The following LRRFIP2 variants were observed in gnomAD, a reference collection of about 807,000 sequenced individuals.
The protein encoded by LRRFIP2 is leucine-rich repeat flightless-interacting protein 2.
LRRFIP2 carries 109 observed loss-of-function variants against 125.9 expected under a neutral mutation model. The ratio of observed to expected loss-of-function variants is 0.87; its 90% CI spans 0.74 to 1.01. The LOEUF is 1.01. LRRFIP2 is among the 50% of genes least tolerant of loss of function. LRRFIP2 has a pLI of 0.00. For missense variants in LRRFIP2, 850 were observed against 862.3 expected, an observed-to-expected ratio of 0.99 and a Z score of 0.18; for synonymous variants, 291 against 293.1, an observed-to-expected ratio of 0.99 and a Z score of 0.07.
intron 16 of LRRFIP2, 136 bp from the exon 17 acceptor site, chr3:37,095,044 C>CA: frequency 1.6e-6 from 1 of 641,596 alleles, no homozygotes; most frequent in Admixed American, 2.5e-5. Context: ...AATCAATGGT[C>CA]AATTTAGATT....
At chr3:37,117,519 T>TAA (rs1464236082) in intron 6 of LRRFIP2, among the ~76,000 whole-genome samples, 3 of 151,874 alleles carry the variant, frequency 2.0e-5, no homozygotes, top group African/African-American at 4.8e-5. Flanking sequence ...TCAAAGGAGG[T>TAA]AAAAGTGAAA....
intron 13 of LRRFIP2, among the ~76,000 whole-genome samples, chr3:37,107,791 AAGAC>A (rs1355527084): frequency 6.6e-6 from 1 of 152,194 alleles, no homozygotes; most frequent in African/African-American, 2.4e-5. Flanking sequence ...TCACCACTGA[AAGAC>A]AAGAAGTTCT....
At chr3:37,091,959 ATTT>A in intron 17 of LRRFIP2, among the ~76,000 whole-genome samples, 3 of 152,282 alleles carry the variant, frequency 2.0e-5, no homozygotes, top group Non-Finnish European at 4.4e-5. Context: ...GAGGTGGCAA[ATTT>A]TAATGATTCA....
chr3:37,102,990 A>G lies in LRRFIP2; in HGVS notation c.807T>C (p.Ser269=), dbSNP rs754262710. The change falls in exon 15 of 28, where the codon AGT becomes AGC. Residue 269 remains serine (S), a synonymous_variant. Coordinates refer to ENST00000336686, the MANE Select transcript of LRRFIP2 (RefSeq NM_006309.4). ...CAACACTTCCCCTACGATTGGAGCG[A>G]CTGAAATAATCAGCGGCAGATACCT... ...ESVVSAADYF[S]RSNRRGSVVS... is the part of the protein sequence containing the mutation. 1 of 1,565,564 alleles carries G rather than the reference A, an allele frequency of 6.4e-7. No individual in the cohort carries two copies. The highest frequency in any genetic ancestry group is 1.2e-5 in the South Asian group (1 of 85,144).
intron 2 of LRRFIP2, among the ~76,000 whole-genome samples, chr3:37,133,899 G>A (rs2095490890): frequency 6.6e-6 from 1 of 152,118 alleles, no homozygotes; most frequent in South Asian, 2.1e-4. Context: ...TACTTTTAGA[G>A]TCTTTCGGCT....
intron 1 of LRRFIP2, among the ~76,000 whole-genome samples, chr3:37,171,741 CTTCT>C (rs1374371080): frequency 6.6e-6 from 1 of 152,174 alleles, no homozygotes; most frequent in African/African-American, 2.4e-5. Context: ...AGATTATTTA[CTTCT>C]TTCCTGACTA....
At chr3:37,110,594 T>C (rs942138864) in intron 9 of LRRFIP2, among the ~76,000 whole-genome samples, 2 of 152,220 alleles carry the variant, frequency 1.3e-5, no homozygotes, top group Non-Finnish European at 2.9e-5. Flanking sequence ...CTGAAGTATA[T>C]GGATGCTTAC....
rs1204601280 is a variant in LRRFIP2, at chr3:37,069,216, T to A, written c.1465-2891A>T. Among the ~76,000 whole-genome samples the A allele has an allele frequency of 2.0e-5, 3 of 152,360 alleles. No homozygotes were observed. The South Asian group carries it at 6.2e-4, about 32-fold the overall frequency. On this transcript the variant is annotated intron_variant, in intron 21 of 27. Transcript: ENST00000336686. ...AAAAATTAAACACAGAATTACCATA[T>A]GATCCAGCAATTCCACTTCTGGGTA...
chr3:37,132,799 G>A (rs2095461367), intron 2 of LRRFIP2, among the ~76,000 whole-genome samples: 1 of 152,042 alleles, frequency 6.6e-6, no homozygotes, highest in Admixed American at 6.6e-5. Flanking sequence ...ATACTTCTAG[G>A]TAGTTAACAC....
intron 1 of LRRFIP2, among the ~76,000 whole-genome samples, chr3:37,150,250 A>AT (rs1198880864): frequency 2.0e-5 from 3 of 151,884 alleles, no homozygotes; most frequent in African/African-American, 7.3e-5. Flanking sequence ...ATCACCTGGG[A>AT]TCAGGAGTTC....
At position 37,058,787 on chromosome 3, in the gene LRRFIP2, T is replaced by A; in HGVS notation, c.1870+3A>T. ...TGGGACTGGCCTGTCCCCTGGTACC[T>A]ACTCTGCATTTCGATGAACTGCAAG... On this transcript the variant is annotated splice_donor_region_variant and intron_variant, in intron 25 of 27. Transcript: ENST00000336686. 1 of 1,613,514 alleles carries A rather than the reference T, an allele frequency of 6.2e-7. No homozygotes were observed. Among genetic ancestry groups the A allele is most frequent in the Non-Finnish European group, 8.5e-7 (1 of 1,179,640 alleles).
At chr3:37,126,002 G>C (rs2095257541) in intron 4 of LRRFIP2, among the ~76,000 whole-genome samples, 1 of 142,784 alleles carries the variant, frequency 7.0e-6, no homozygotes, top group South Asian at 2.2e-4. Flanking sequence ...TCACACCAAA[G>C]AATCAGTTTT....
At chr3:37,161,629 G>C (rs1007257300) in intron 1 of LRRFIP2, among the ~76,000 whole-genome samples, 1 of 152,040 alleles carries the variant, frequency 6.6e-6, no homozygotes, top group Admixed American at 6.5e-5. Flanking sequence ...TCTGGAATTA[G>C]GGCTGATGGC....
Position 37,065,864 on chromosome 3 carries a change from C to A in LRRFIP2, c.1645G>T (p.Val549Phe). 1.9e-6 allele frequency: 3 copies of A among 1,614,182 alleles called. No homozygotes were observed. Among genetic ancestry groups the A allele is most frequent in the Non-Finnish European group, 2.5e-6 (3 of 1,180,002 alleles). ...SHEPVAGAIT[V>F]VSQEAAQVLE... The stretch of plus-strand genomic sequence containing the variant: ...ACCTGAGCAGCTTCCTGAGACACAA[C>A]AGTGATGGCTCCAGCCACTGGTTCA... Residue 549 changes from valine (V) to phenylalanine (F), a missense_variant, in exon 23 of 28, where the codon GTT becomes TTT. Physicochemically the swap from Val to Phe is conservative, Grantham distance 50 (BLOSUM62 -1). Coordinates refer to ENST00000336686, the MANE Select transcript of LRRFIP2 (RefSeq NM_006309.4).
chr3:37,111,119 A>G, intron 8 of LRRFIP2, 54 bp from the exon 9 acceptor site: 1 of 1,463,962 alleles, frequency 6.8e-7, no homozygotes, highest in Non-Finnish European at 9.5e-7. Context: ...TAATAACCTA[A>G]CAACACACAA....
At chr3:37,119,386 G>C (rs913263457) in intron 6 of LRRFIP2, among the ~76,000 whole-genome samples, 1 of 151,748 alleles carries the variant, frequency 6.6e-6, no homozygotes, top group Non-Finnish European at 1.5e-5. Flanking sequence ...TTCCTTTTTT[G>C]TTTGCAGATT....
chr3:37,120,793 A>T (rs895087432), intron 6 of LRRFIP2, among the ~76,000 whole-genome samples: 10 of 151,376 alleles, frequency 6.6e-5, no homozygotes, highest in South Asian at 4.2e-4. Flanking sequence ...AATAAAAAAA[A>T]TTTTAAATAA....
At chr3:37,139,014 C>T (rs543643638) in intron 2 of LRRFIP2, among the ~76,000 whole-genome samples, 6 of 152,310 alleles carry the variant, frequency 3.9e-5, no homozygotes, top group Admixed American at 3.3e-4. Flanking sequence ...AACCTGATAA[C>T]AGAGCCGGCT....
At chr3:37,054,600 T>C in intron 26 of LRRFIP2, 85 bp from the exon 27 acceptor site, 2 of 867,122 alleles carry the variant, frequency 2.3e-6, no homozygotes, top group Non-Finnish European at 3.7e-6. Flanking sequence ...ACAATGTCAT[T>C]ATAAATGCCA....
Sources: gnomAD v4.1 joint callset for allele counts (sites outside exome capture counted in the v4.1 genomes callset) on GRCh38, gnomAD v4.1.1 for gene constraint, MANE v1.5 for transcripts, NCBI Gene and HGNC (gene_info 2026-07-23, HGNC 2026-07-21) for gene names.